IQCH: variants seen among roughly 807,000 people sequenced by gnomAD.
IQCH encodes IQ domain-containing protein H.
IQCH carries 98 observed loss-of-function variants against 117.0 expected under a neutral mutation model. The observed-to-expected ratio is 0.84, with a 90% CI of 0.71 to 0.99. The LOEUF is 0.99. IQCH is among the 50% of genes least tolerant of loss of function. The pLI is 0.00. For missense variants in IQCH, 1,102 were observed against 1,243.8 expected (o/e 0.89, Z 1.72); for synonymous variants, 412 against 448.2 (o/e 0.92, Z 1.02).
rs150000401 is a variant in IQCH, at chr15:67,432,205, A to G, written c.2505+10628A>G. The stretch of plus-strand genomic sequence containing the variant: ...GAAAACTAGCTATTGGAGAGTAGTA[A>G]TGGCCCTTCCAAAACATAAAGTTAG... On this transcript the variant is annotated intron_variant, in intron 16 of 20. Transcript: ENST00000335894. This position sits in a 1 kb window ranked among gnomAD's most constrained non-coding sequence, Gnocchi z 5.0. 1.3e-5 allele frequency among the ~76,000 whole-genome samples: 2 copies of G among 152,336 alleles called. No individual in the cohort carries two copies. Among genetic ancestry groups the G allele is most frequent in the African/African-American group, 2.4e-5 (1 of 41,582 alleles).
chr15:67,278,994 T>C (rs1433587423), intron 3 of IQCH, among the ~76,000 whole-genome samples: 2 of 152,214 alleles, frequency 1.3e-5, no homozygotes, highest in Non-Finnish European at 2.9e-5. Context: ...AGAATATAAG[T>C]ATTAATCACT....
chr15:67,325,130 G>A (rs576310612), intron 4 of IQCH, among the ~76,000 whole-genome samples: 1 of 152,076 alleles, frequency 6.6e-6, no homozygotes, highest in South Asian at 2.1e-4. Context: ...TTCGGATTAG[G>A]TAATAGCTAT....
At chr15:67,434,374 C>T (rs2082084030) in intron 16 of IQCH, among the ~76,000 whole-genome samples, 1 of 152,114 alleles carries the variant, frequency 6.6e-6, no homozygotes, top group South Asian at 2.1e-4. Flanking sequence ...GCATATTATC[C>T]TCCAGGTTCA....
intron 4 of IQCH, among the ~76,000 whole-genome samples, chr15:67,286,555 AC>A (rs1226475370): frequency 2.0e-5 from 3 of 151,946 alleles, no homozygotes; most frequent in African/African-American, 7.2e-5. Flanking sequence ...TCAGTATGAT[AC>A]TAGCTGTGGG....
intron 10 of IQCH, among the ~76,000 whole-genome samples, chr15:67,379,777 T>C (rs1970859834): frequency 6.6e-6 from 1 of 152,224 alleles, no homozygotes; most frequent in Non-Finnish European, 1.5e-5. Flanking sequence ...TCCGCCATGA[T>C]TGTAAGTCTT....
chr15:67,410,724 ATAT>A (rs574895341), intron 14 of IQCH, among the ~76,000 whole-genome samples: 70 of 152,326 alleles, frequency 4.6e-4, no homozygotes, highest in African/African-American at 1.6e-3. Flanking sequence ...GAAGTTTGGA[ATAT>A]TATTACCCTG....
intron 13 of IQCH, among the ~76,000 whole-genome samples, chr15:67,399,341 C>G (rs1391001972): frequency 6.6e-6 from 1 of 152,128 alleles, no homozygotes; most frequent in African/African-American, 2.4e-5. Context: ...TGACATGAGC[C>G]AAGGCCTGTC....
At chr15:67,348,503 A>T (rs916593963) in intron 6 of IQCH, among the ~76,000 whole-genome samples, 5 of 151,476 alleles carry the variant, frequency 3.3e-5, no homozygotes, top group South Asian at 4.2e-4. Context: ...ATCGAATATT[A>T]AAAAAATACC....
intron 4 of IQCH, among the ~76,000 whole-genome samples, chr15:67,331,592 G>A (rs777110923): frequency 6.6e-6 from 1 of 152,088 alleles, no homozygotes. Context: ...TATTAGTTTG[G>A]TACAAACTAT....
chr15:67,326,543 C>G (rs1214779040), intron 4 of IQCH, among the ~76,000 whole-genome samples: 1 of 152,192 alleles, frequency 6.6e-6, no homozygotes, highest in Non-Finnish European at 1.5e-5. Context: ...AGTCGCCACA[C>G]TGTCTTCCAC....
chr15:67,302,339 A>G (rs1007966409), intron 4 of IQCH, among the ~76,000 whole-genome samples: 5 of 152,176 alleles, frequency 3.3e-5, no homozygotes, highest in African/African-American at 1.2e-4. Context: ...ATGTTCAGGT[A>G]TTAATTTCAA....
intron 3 of IQCH, among the ~76,000 whole-genome samples, chr15:67,265,440 C>T (rs1320486487): frequency 6.6e-6 from 1 of 152,182 alleles, no homozygotes; most frequent in East Asian, 1.9e-4. Context: ...GGGAGCCTGT[C>T]AAGTTTGTAT....
intron 16 of IQCH, among the ~76,000 whole-genome samples, chr15:67,423,921 C>T (rs1326957230): frequency 2.0e-5 from 3 of 151,768 alleles, no homozygotes; most frequent in Admixed American, 6.6e-5. Flanking sequence ...AACTGTGGTC[C>T]CTGGGACAAT....
intron 4 of IQCH, among the ~76,000 whole-genome samples, chr15:67,299,216 T>A (rs529245531): frequency 2.0e-5 from 3 of 152,050 alleles, no homozygotes; most frequent in South Asian, 2.1e-4. Context: ...AGCTAAAAAT[T>A]AAAACAATTG....
rs1276917798 is a variant in IQCH, at chr15:67,384,441, A to G, written c.1373-495A>G. ...AAAAGTTCTTGTGACCGTGAGCAGA[A>G]GCTGATTTCTTTAGTATTTGAATTA... On this transcript the variant is annotated intron_variant, in intron 10 of 20. Coordinates refer to ENST00000335894, the MANE Select transcript of IQCH (RefSeq NM_001031715.3). This position sits in a 1 kb window ranked among gnomAD's most constrained non-coding sequence, Gnocchi z 4.3. Among the ~76,000 whole-genome samples the G allele has an allele frequency of 2.0e-5, 3 of 152,136 alleles. No individual in the cohort carries two copies. The highest frequency in any genetic ancestry group is 4.4e-5 in the Non-Finnish European group (3 of 68,012).
chr15:67,464,835 G>A (rs563032648), intron 16 of IQCH, among the ~76,000 whole-genome samples: 115 of 152,296 alleles, frequency 7.6e-4, no homozygotes, highest in Non-Finnish European at 1.5e-3. Context: ...GCAGGCCATA[G>A]GCAGAAAAAT....
chr15:67,445,287 T>C lies in IQCH; in HGVS notation c.2506-19840T>C, dbSNP rs1400913293. Among the ~76,000 whole-genome samples the C allele has an allele frequency of 1.3e-5, 2 of 152,234 alleles. No individual in the cohort carries two copies. Among genetic ancestry groups the C allele is most frequent in the East Asian group, 1.9e-4 (1 of 5,206 alleles). The stretch of plus-strand genomic sequence containing the variant: ...CAATATGTATATTCCTTTAAACATA[T>C]ATTTTGCTTTCTTAAACATAAGATT... On this transcript the variant is annotated intron_variant, in intron 16 of 20. Coordinates refer to ENST00000335894, the MANE Select transcript of IQCH (RefSeq NM_001031715.3). The surrounding 1 kb of genome is among the most constrained non-coding windows in gnomAD (Gnocchi z 4.3).
rs1196438820 is a variant in IQCH at position 67,384,886 on chromosome 15, G to A, written c.1373-50G>A. 4 of 1,138,080 alleles carry A rather than the reference G, an allele frequency of 3.5e-6. No homozygotes were observed. Among genetic ancestry groups the A allele is most frequent in the Non-Finnish European group, 5.3e-6 (4 of 749,440 alleles). 70.5% of individuals were successfully genotyped at this position (1,138,080 alleles called of 1,614,324 possible). ...TTTTGAAATTCTCTTGTGCCATTTT[G>A]CTATATCGACTTGCTCTTTCTGTGT... is the stretch of plus-strand genomic sequence containing the variant. On this transcript the variant is annotated intron_variant, in intron 10 of 20. Transcript: ENST00000335894. The surrounding 1 kb of genome is among the most constrained non-coding windows in gnomAD (Gnocchi z 4.3).
chr15:67,318,434 G>A (rs190438783), intron 4 of IQCH, among the ~76,000 whole-genome samples: 53 of 152,300 alleles, frequency 3.5e-4, no homozygotes, highest in African/African-American at 1.2e-3. Context: ...TCCTGAGAAG[G>A]AAAATGTTTA....
Sources: allele counts gnomAD v4.1 joint callset (sites outside exome capture counted in the v4.1 genomes callset), GRCh38; gene constraint gnomAD v4.1.1; non-coding constraint Gnocchi (gnomAD v3.1); transcripts MANE v1.5; gene names NCBI Gene and HGNC (gene_info 2026-07-23, HGNC 2026-07-21).